IDH3B: variants seen among roughly 807,000 people sequenced by gnomAD.
The protein encoded by IDH3B is isocitrate dehydrogenase [NAD] subunit beta, mitochondrial.
A neutral mutation model predicts 47.5 loss-of-function variants in IDH3B; 40 were observed. The ratio of observed to expected loss-of-function variants is 0.84; its 90% CI spans 0.65 to 1.10. The LOEUF (loss-of-function observed/expected upper bound fraction) is 1.10, where lower values mean the gene tolerates loss of function less well. IDH3B is among the 50% of genes least tolerant of loss of function. The probability of loss-of-function intolerance (pLI) is 0.00; values close to 1 mark genes in which losing one functional copy is unlikely to be tolerated. For missense variants in IDH3B, 450 were observed against 505.2 expected, an observed-to-expected ratio of 0.89 and a Z score of 1.05; for synonymous variants, 185 against 191.0, an observed-to-expected ratio of 0.97 and a Z score of 0.26.
chr20:2,659,205 C>T, intron 11 of IDH3B: 1 of 1,438,250 alleles, frequency 7.0e-7, no homozygotes, highest in Non-Finnish European at 9.1e-7. Context: ...TTCAGCCTGC[C>T]TGTATCCCTT....
chr20:2,663,564 A>G lies in IDH3B; in HGVS notation c.219T>C (p.Ala73=). The G allele has an allele frequency of 6.2e-7, 1 of 1,614,200 alleles. No homozygotes were observed. Among genetic ancestry groups the G allele is most frequent in the Non-Finnish European group, 8.5e-7 (1 of 1,180,036 alleles). Residue 73 remains alanine (A), a splice_region_variant and synonymous_variant, in exon 4 of 12, where the codon GCT becomes GCC. Transcript: ENST00000380843. ...CCTGGAACTCCACTGGGACAGCGGCAGCCTTCAGAGACAGGTTCCCAAAAC... is the reference window on the plus strand; with the variant it reads ...CCTGGAACTCCACTGGGACAGCGGCGGCCTTCAGAGACAGGTTCCCAAAAC... ...LMHAVKEVFK[A]AAVPVEFQEH...
chr20:2,659,158 G>A (rs1403973704), intron 11 of IDH3B: 3 of 1,288,446 alleles, frequency 2.3e-6, no homozygotes, highest in East Asian at 7.5e-5. Flanking sequence ...AAGAATCACA[G>A]CGAAAAGGAG....
At chr20:2,661,217 C>G (rs1261034676) in intron 4 of IDH3B, among the ~76,000 whole-genome samples, 1 of 130,482 alleles carries the variant, frequency 7.7e-6, no homozygotes, top group African/African-American at 2.5e-5. Flanking sequence ...GTGTGAGAGA[C>G]ACAGGGTCTC....
Position 2,658,711 on chromosome 20 carries a change from G to C in IDH3B, c.*40C>G. The C allele has an allele frequency of 6.2e-7, 1 of 1,614,158 alleles. No homozygotes were observed. The highest frequency in any genetic ancestry group is 8.5e-7 in the Non-Finnish European group (1 of 1,180,022). The stretch of plus-strand genomic sequence containing the variant: ...CTGGTACACTGCACTGAAGGGTATG[G>C]GGAGTGTGGTCCTTGCAAGGTTGGA... On this transcript the variant is annotated 3_prime_UTR_variant, in exon 12 of 12. Coordinates refer to ENST00000380843, the MANE Select transcript of IDH3B (RefSeq NM_006899.5).
rs1297658231 is a variant in IDH3B, at chr20:2,658,850, C to T, written c.1072-13G>A. 4 of 1,613,930 alleles carry T rather than the reference C, an allele frequency of 2.5e-6. No homozygotes were observed. Among genetic ancestry groups the T allele is most frequent in the African/African-American group, 2.7e-5 (2 of 74,902 alleles). On this transcript the variant is annotated splice_polypyrimidine_tract_variant and intron_variant, in intron 11 of 11. Coordinates refer to ENST00000380843, the MANE Select transcript of IDH3B (RefSeq NM_006899.5). ...CTCGAGTCCGCACCTACAGCCACCACCGGCAACAGCCGTGGGGAGGGAGAA... is the reference window on the plus strand; with the variant it reads ...CTCGAGTCCGCACCTACAGCCACCATCGGCAACAGCCGTGGGGAGGGAGAA...
intron 2 of IDH3B, 40 bp from the exon 3 acceptor site, chr20:2,663,798 G>C (rs1205569295): frequency 6.2e-7 from 1 of 1,608,322 alleles, no homozygotes; most frequent in Non-Finnish European, 8.5e-7. Context: ...GATAGAGCTG[G>C]GGCGGGAGCA....
intron 2 of IDH3B, 63 bp downstream of exon 2, chr20:2,663,862 G>A (rs2086995977): frequency 2.5e-6 from 4 of 1,598,456 alleles, no homozygotes; most frequent in Admixed American, 3.3e-5. Context: ...GGAAAAGCCA[G>A]GGGAGGGAGC....
intron 3 of IDH3B, 23 bp downstream of exon 3, chr20:2,663,637 G>A: frequency 6.2e-7 from 1 of 1,614,094 alleles, no homozygotes; most frequent in South Asian, 1.1e-5. Flanking sequence ...GTCCTCTACT[G>A]TCTGATCCCC....
chr20:2,663,818 G>C, intron 2 of IDH3B, 60 bp from the exon 3 acceptor site: 1 of 1,601,922 alleles, frequency 6.2e-7, no homozygotes. Context: ...ACGGATCCTG[G>C]GAGTAGAGAA....
At position 2,659,745 on chromosome 20, in the gene IDH3B, G is replaced by GCCC; in HGVS notation, c.963_964insGGG (p.Asn321_Pro322insGly). On this transcript the variant is annotated inframe_insertion, in exon 10 of 12. Coordinates refer to ENST00000380843, the MANE Select transcript of IDH3B (RefSeq NM_006899.5). ...GAAGCCGACAGCAGCATGGCCGTGG[G>GCCC]ATTGGCTATATTCCTGCCCACTGCC... The GCCC allele has an allele frequency of 6.2e-7, 1 of 1,614,170 alleles. No individual in the cohort carries two copies. Among genetic ancestry groups the GCCC allele is most frequent in the Non-Finnish European group, 8.5e-7 (1 of 1,180,026 alleles).
chr20:2,659,881 G>T, intron 9 of IDH3B, 88 bp from the exon 10 acceptor site: 1 of 1,417,566 alleles, frequency 7.1e-7, no homozygotes, highest in East Asian at 2.3e-5. Context: ...ATGGGAGGGG[G>T]AGCTCAGGCC....
In IDH3B at chr20:2,658,633, T is replaced by C; in HGVS notation, c.*118A>G. On this transcript the variant is annotated 3_prime_UTR_variant, in exon 12 of 12. Coordinates refer to ENST00000380843, the MANE Select transcript of IDH3B (RefSeq NM_006899.5). ...AAGCCGGCCCAAGGACAACCTAGGCTCTACCCAGCAAGGTGACCATGGTCC... is the reference window on the plus strand; with the variant it reads ...AAGCCGGCCCAAGGACAACCTAGGCCCTACCCAGCAAGGTGACCATGGTCC... 1 of 1,613,660 alleles carries C rather than the reference T, an allele frequency of 6.2e-7. No individual in the cohort carries two copies. The highest frequency in any genetic ancestry group is 8.5e-7 in the Non-Finnish European group (1 of 1,179,788).
rs780745599 is a variant in IDH3B, at chr20:2,663,638, T to C, written c.216+22A>G. ...TCCAACACACTACTGTCCTCTACTG[T>C]CTGATCCCCGAGGCCACTCACCTTG... is the stretch of plus-strand genomic sequence containing the variant. On this transcript the variant is annotated intron_variant, in intron 3 of 11. Transcript: ENST00000380843. 24 of 1,614,150 alleles carry C rather than the reference T, an allele frequency of 1.5e-5. 1 individual carries two copies. In the South Asian group the frequency reaches 2.5e-4, roughly 17 times the overall value.
At position 2,660,392 on chromosome 20, in the gene IDH3B, T is replaced by A; in HGVS notation, c.666-27A>T. The A allele has an allele frequency of 6.2e-7, 1 of 1,613,944 alleles. No individual in the cohort carries two copies. The highest frequency in any genetic ancestry group is 8.5e-7 in the Non-Finnish European group (1 of 1,179,936). ...TGTCCATGGGCCAAAGGGGACAGAA[T>A]CAGCCAAGAAAGTACAGGGGCTACC... is the stretch of plus-strand genomic sequence containing the variant. On this transcript the variant is annotated intron_variant, in intron 7 of 11. Transcript: ENST00000380843. This position sits in a 1 kb window ranked among gnomAD's most constrained non-coding sequence, Gnocchi z 5.6.
rs1240318692 is a variant in IDH3B at position 2,660,429 on chromosome 20, C to G, written c.665+28G>C. 1.9e-6 allele frequency: 3 copies of G among 1,613,984 alleles called. No homozygotes were observed. Among genetic ancestry groups the G allele is most frequent in the Admixed American group, 3.3e-5 (2 of 59,992 alleles). ...GTACAGGGGCTACCTTCCCAGGAAC[C>G]CATCCTACACAAAGCCATGCCCCTC... is the stretch of plus-strand genomic sequence containing the variant. On this transcript the variant is annotated intron_variant, in intron 7 of 11. Coordinates refer to ENST00000380843, the MANE Select transcript of IDH3B (RefSeq NM_006899.5). This position sits in a 1 kb window ranked among gnomAD's most constrained non-coding sequence, Gnocchi z 5.6.
At chr20:2,662,311 A>C (rs752333523) in intron 4 of IDH3B, among the ~76,000 whole-genome samples, 9 of 152,248 alleles carry the variant, frequency 5.9e-5, no homozygotes, top group Non-Finnish European at 1.3e-4. Context: ...TTTGGAATCT[A>C]ACACACAATC....
rs1568547902 is a variant in IDH3B at position 2,660,034 on chromosome 20, T to C, written c.911A>G (p.Glu304Gly). The C allele has an allele frequency of 6.2e-7, 1 of 1,614,078 alleles. No homozygotes were observed. The highest frequency in any genetic ancestry group is 1.7e-5 in the Admixed American group (1 of 60,024). ...CGAGGGAGAAAGCAGCCTCACCGTC[T>C]CAAAGACTGCGTATTCTGCACTATA... ...ESYSAEYAVF[E>G]TGARHPFAQA... Residue 304 changes from glutamate to glycine, a missense_variant, in exon 9 of 12, where the codon GAG (glutamate) becomes GGG (glycine). By Grantham distance (98) the Glu-to-Gly change is moderately conservative (BLOSUM62 -2). Transcript: ENST00000380843. The surrounding 1 kb of genome is among the most constrained non-coding windows in gnomAD (Gnocchi z 5.6).
At position 2,664,180 on chromosome 20, in the gene IDH3B, T is replaced by C; in HGVS notation, c.9A>G (p.Ala3=). 1.2e-6 allele frequency: 2 copies of C among 1,613,652 alleles called. No individual in the cohort carries two copies. Among genetic ancestry groups the C allele is most frequent in the Non-Finnish European group, 1.7e-6 (2 of 1,179,866 alleles). The change falls in exon 1 of 12, where the codon GCA becomes GCG. Residue 3 remains alanine (A), a synonymous_variant. Coordinates refer to ENST00000380843, the MANE Select transcript of IDH3B (RefSeq NM_006899.5). ...GGGTCAGCCAGCGGACTCCGCTCAA[T>C]GCCGCCATGTTTCCCGCAGGAAGTC... MA[A]LSGVRWLTRA... is the part of the protein sequence containing the mutation.
In IDH3B at chr20:2,660,930, G is replaced by A. The variant is rs774655125; in HGVS notation, c.377C>T (p.Ala126Val). The change falls in exon 5 of 12, where the codon GCC becomes GTC. Residue 126 changes from alanine (A) to valine (V), a missense_variant. By Grantham distance (64) the Ala-to-Val change is moderately conservative. Coordinates refer to ENST00000380843, the MANE Select transcript of IDH3B (RefSeq NM_006899.5). The surrounding 1 kb of genome is among the most constrained non-coding windows in gnomAD (Gnocchi z 5.6). ...HTPMEYKGEL[A>V]SYDMRLRRKL... ...CTACCTCAGCCGCATATCATAGGAG[G>A]CTAGCTCCCCCTTATACTCCATCGG... 15 of 1,613,984 alleles carry A rather than the reference G, an allele frequency of 9.3e-6. No individual in the cohort carries two copies. The highest frequency in any genetic ancestry group is 2.2e-5 in the East Asian group (1 of 44,886).
Sources: gnomAD v4.1 joint callset for allele counts (sites outside exome capture counted in the v4.1 genomes callset) on GRCh38, gnomAD v4.1.1 for gene constraint, Gnocchi (gnomAD v3.1) non-coding constraint, MANE v1.5 for transcripts, NCBI Gene and HGNC (gene_info 2026-07-23, HGNC 2026-07-21) for gene names.